RABGAP1: variants seen among roughly 807,000 people sequenced by gnomAD.
RABGAP1 encodes RAB GTPase activating protein 1, also known as rab GTPase-activating protein 1.
A neutral mutation model predicts 137.6 loss-of-function variants in RABGAP1; 23 were observed. The observed-to-expected ratio is 0.17, with a 90% CI of 0.12 to 0.24. The LOEUF (loss-of-function observed/expected upper bound fraction) is 0.24, where lower values mean the gene tolerates loss of function less well. Among genes scored for constraint, RABGAP1 ranks in the 10% least tolerant of loss-of-function variants. The probability of loss-of-function intolerance (pLI) is 1.00; values close to 1 mark genes in which losing one functional copy is unlikely to be tolerated. For synonymous variants in RABGAP1, 451 were observed against 450.7 expected (o/e 1.00, Z -0.01); for missense variants, 906 against 1,275.8 (o/e 0.71, Z 4.42).
intron 13 of RABGAP1, among the ~76,000 whole-genome samples, chr9:123,033,167 A>G (rs1359652643): frequency 6.6e-6 from 1 of 152,228 alleles, no homozygotes; most frequent in Non-Finnish European, 1.5e-5. Flanking sequence ...CCTTCTAGCT[A>G]GAACTTCTTG....
chr9:123,076,582 T>G (rs921859075), intron 18 of RABGAP1, 52 bp from the exon 19 acceptor site: 2 of 1,542,002 alleles, frequency 1.3e-6, no homozygotes, highest in Non-Finnish European at 1.7e-6. Context: ...AAACTTCTTG[T>G]GCATCCTTAT....
rs1290279343 is a variant in RABGAP1, at chr9:122,984,495, A to G, written c.161A>G (p.Asn54Ser). 3.5e-5 allele frequency: 57 copies of G among 1,613,650 alleles called. No individual in the cohort carries two copies. The highest frequency in any genetic ancestry group is 4.4e-5 in the Non-Finnish European group (52 of 1,179,844). ...DEKTGLKIVGNGSEQQLQKEL... is the reference protein window; with the variant it reads ...DEKTGLKIVGSGSEQQLQKEL... ...ATTTGTGACCCTTAGATTGTAGGGA[A>G]TGGAAGTGAACAGCAGCTGCAAAAA... Residue 54 changes from asparagine (N) to serine (S), a missense_variant, in exon 3 of 26, where the codon AAT becomes AGT. By Grantham distance (46) the Asn-to-Ser change is conservative. This residue lies in a region of RABGAP1 where 331 missense variants were observed against 358.3 expected (regional missense o/e 0.92). Coordinates refer to ENST00000373647, the MANE Select transcript of RABGAP1 (RefSeq NM_012197.4).
chr9:122,996,953 GA>G, intron 8 of RABGAP1: 1 of 533,116 alleles, frequency 1.9e-6, no homozygotes, highest in Non-Finnish European at 3.5e-6. Flanking sequence ...CCCATTATCT[GA>G]AAATCTTTAT....
At chr9:123,013,427 G>A (rs907473501) in intron 11 of RABGAP1, among the ~76,000 whole-genome samples, 3 of 151,982 alleles carry the variant, frequency 2.0e-5, no homozygotes, top group African/African-American at 7.3e-5. Context: ...CGCCTCCTGG[G>A]TTCAAGTGAT....
chr9:122,944,750 T>A (rs566503242), intron 1 of RABGAP1, among the ~76,000 whole-genome samples: 2 of 151,890 alleles, frequency 1.3e-5, no homozygotes, highest in South Asian at 4.2e-4. Context: ...TTTTTTTTTT[T>A]ATTTTTAGTA....
chr9:122,989,207 C>A, intron 4 of RABGAP1, 90 bp from the exon 5 acceptor site: 1 of 1,197,608 alleles, frequency 8.3e-7, no homozygotes, highest in Non-Finnish European at 1.2e-6. Flanking sequence ...GATCTTCTTA[C>A]TAGAAAGAAT....
At chr9:123,028,976 T>A (rs2032144131) in intron 13 of RABGAP1, among the ~76,000 whole-genome samples, 1 of 152,226 alleles carries the variant, frequency 6.6e-6, no homozygotes, top group Admixed American at 6.5e-5. Flanking sequence ...TTTTGCTTAT[T>A]ATCTGTATTA....
At chr9:123,095,741 G>A (rs1373045278) in intron 21 of RABGAP1, among the ~76,000 whole-genome samples, 1 of 151,602 alleles carries the variant, frequency 6.6e-6, no homozygotes, top group Non-Finnish European at 1.5e-5. Context: ...CTCCATGTAA[G>A]CACTATTTTC....
At chr9:123,053,422 T>C (rs1038358055) in intron 13 of RABGAP1, among the ~76,000 whole-genome samples, 1 of 152,248 alleles carries the variant, frequency 6.6e-6, no homozygotes, top group African/African-American at 2.4e-5. Flanking sequence ...TTTTTCATCC[T>C]CATTTATTTT....
At chr9:122,944,566 G>A (rs145537017) in intron 1 of RABGAP1, among the ~76,000 whole-genome samples, 195 of 147,568 alleles carry the variant, frequency 1.3e-3, no homozygotes, top group African/African-American at 4.4e-3. Flanking sequence ...TCACTCTGTC[G>A]CCCAGGCTGG....
At chr9:123,011,324 A>G (rs1032248452) in intron 11 of RABGAP1, among the ~76,000 whole-genome samples, 4 of 152,196 alleles carry the variant, frequency 2.6e-5, no homozygotes, top group Admixed American at 2.6e-4. Flanking sequence ...GGGACTTTTA[A>G]GTGCAAGGAG....
intron 24 of RABGAP1, among the ~76,000 whole-genome samples, chr9:123,100,384 TGTGTGTGTGTGTGTGTG>T (rs1036165854): frequency 3.8e-3 from 7 of 1,866 alleles, no homozygotes; most frequent in Admixed American, 0.023. Context: ...TTTAACCAGA[TGTGTGTGTGTGTGTGTG>T]TGTGTGTGTG....
At chr9:123,085,205 TCTTC>T (rs1417556932) in intron 19 of RABGAP1, among the ~76,000 whole-genome samples, 1 of 152,214 alleles carries the variant, frequency 6.6e-6, no homozygotes, top group Non-Finnish European at 1.5e-5. Flanking sequence ...ATGTATCAAG[TCTTC>T]CTTCTCTCTA....
At chr9:123,019,332 A>T (rs930362371) in intron 12 of RABGAP1, among the ~76,000 whole-genome samples, 3 of 150,316 alleles carry the variant, frequency 2.0e-5, no homozygotes, top group African/African-American at 7.3e-5. Context: ...ATTCTTGTCA[A>T]TTTTTTTTTT....
intron 1 of RABGAP1, among the ~76,000 whole-genome samples, chr9:122,956,451 C>G (rs565462995): frequency 6.6e-6 from 1 of 152,072 alleles, no homozygotes; most frequent in Admixed American, 6.6e-5. Flanking sequence ...GAGATCAAGA[C>G]CATCCTGGCT....
At position 123,003,979 on chromosome 9, in the gene RABGAP1, C is replaced by A. The variant is rs1166199582; in HGVS notation, c.1374+5213C>A. Among the ~76,000 whole-genome samples the A allele has an allele frequency of 3.3e-5, 5 of 152,162 alleles. No homozygotes were observed. In the South Asian group the frequency reaches 1.0e-3, roughly 32 times the overall value. Reference sequence around the variant, plus strand: ...ATATCTGAAAGACTAAGTGGTATGGCCAATGTTGTACAGATAATTAGTATA... The same window carrying A: ...ATATCTGAAAGACTAAGTGGTATGGACAATGTTGTACAGATAATTAGTATA... On this transcript the variant is annotated intron_variant, in intron 10 of 25. Transcript: ENST00000373647.
chr9:122,989,878 T>C, intron 5 of RABGAP1, 178 bp from the exon 6 acceptor site: 1 of 643,946 alleles, frequency 1.6e-6, no homozygotes, highest in Non-Finnish European at 2.5e-6. Context: ...TTAAAACCCC[T>C]TGTCTGGACA....
At chr9:123,055,579 A>T (rs1588344884) in intron 13 of RABGAP1, among the ~76,000 whole-genome samples, 1 of 108,536 alleles carries the variant, frequency 9.2e-6, no homozygotes, top group African/African-American at 3.7e-5. Flanking sequence ...GATGGAGTTT[A>T]GCTCTTGTCG....
At chr9:122,938,348 T>C (rs1833423970), upstream of RABGAP1, 2 of 152,258 alleles carry the variant, frequency 1.3e-5, no homozygotes, top group African/African-American at 4.8e-5. Flanking sequence ...TTCCTTATTT[T>C]AGCATTCAAG....
Sources: gnomAD v4.1 joint callset for allele counts (sites outside exome capture counted in the v4.1 genomes callset) on GRCh38, gnomAD v4.1.1 for gene constraint, gnomAD v4.1.1 regional missense constraint, MANE v1.5 for transcripts, NCBI Gene and HGNC (gene_info 2026-07-23, HGNC 2026-07-21) for gene names.